PHACTR1: variants seen among roughly 807,000 people sequenced by gnomAD.
PHACTR1 encodes RPEL repeat containing 1.
Under a neutral mutation model 69.2 loss-of-function variants are expected in PHACTR1, and 16 were observed. The observed-to-expected ratio is 0.23, with a 90% CI of 0.16 to 0.35. The LOEUF is 0.35. Among genes scored for constraint, PHACTR1 ranks in the 10% least tolerant of loss-of-function variants. PHACTR1 has a pLI of 1.00. For missense variants in PHACTR1, 510 were observed against 734.7 expected (o/e 0.69, Z 3.54); for synonymous variants, 312 against 284.5 (o/e 1.10, Z -0.97).
intron 4 of PHACTR1, among the ~76,000 whole-genome samples, chr6:13,049,714 A>C (rs1428514284): frequency 6.6e-6 from 1 of 152,192 alleles, no homozygotes; most frequent in Non-Finnish European, 1.5e-5. Context: ...ACTCAGGTTG[A>C]GAGTAATAAG....
rs1260733320 is a variant in PHACTR1, at chr6:13,179,260, A to G, written c.497-3259A>G. 1.3e-5 allele frequency among the ~76,000 whole-genome samples: 2 copies of G among 152,084 alleles called. No homozygotes were observed. Among genetic ancestry groups the G allele is most frequent in the Admixed American group, 6.6e-5 (1 of 15,256 alleles). On this transcript the variant is annotated intron_variant, in intron 6 of 14. Coordinates refer to ENST00000332995, the MANE Select transcript of PHACTR1 (RefSeq NM_030948.6). This position sits in a 1 kb window ranked among gnomAD's most constrained non-coding sequence, Gnocchi z 4.2. ...CAAACAAACAGCAACAACAACAACA[A>G]CAAACCCAGTACTGATATATAAATA...
At chr6:13,262,445 T>C (rs1776044034) in intron 10 of PHACTR1, among the ~76,000 whole-genome samples, 1 of 152,100 alleles carries the variant, frequency 6.6e-6, no homozygotes, top group Non-Finnish European at 1.5e-5. Flanking sequence ...ATCATCAGCA[T>C]ATTGATGCTA....
chr6:12,943,565 A>G (rs536339374), intron 4 of PHACTR1, among the ~76,000 whole-genome samples: 20 of 152,338 alleles, frequency 1.3e-4, no homozygotes, highest in African/African-American at 4.8e-4. Flanking sequence ...TGGACCTGGG[A>G]TAGTATGATC....
intron 10 of PHACTR1, among the ~76,000 whole-genome samples, chr6:13,259,418 T>C (rs1775615674): frequency 6.6e-6 from 1 of 152,212 alleles, no homozygotes; most frequent in African/African-American, 2.4e-5. Flanking sequence ...TTTGGGTTAT[T>C]ATCTCAGTGT....
chr6:12,841,752 G>T (rs762992640), intron 4 of PHACTR1, among the ~76,000 whole-genome samples: 2 of 152,148 alleles, frequency 1.3e-5, no homozygotes, highest in Non-Finnish European at 1.5e-5. Flanking sequence ...GGCCAAGAAT[G>T]TGTACAGTAA....
chr6:12,803,301 G>A (rs1285217716), intron 4 of PHACTR1, among the ~76,000 whole-genome samples: 1 of 152,156 alleles, frequency 6.6e-6, no homozygotes, highest in Admixed American at 6.6e-5. Context: ...ACTGAGATTG[G>A]TGGTCTCTCT....
chr6:12,946,008 T>A (rs1021767625), intron 4 of PHACTR1, among the ~76,000 whole-genome samples: 42 of 149,518 alleles, frequency 2.8e-4, no homozygotes, highest in Middle Eastern at 3.4e-3. Flanking sequence ...AATGCTAAAG[T>A]TCATGAAACC....
intron 4 of PHACTR1, among the ~76,000 whole-genome samples, chr6:12,913,375 G>A (rs939361965): frequency 2.6e-5 from 4 of 152,202 alleles, no homozygotes; most frequent in African/African-American, 9.6e-5. Context: ...CAAATCCAAA[G>A]AGCCATATGA....
rs201209529 is a variant in PHACTR1 at position 13,064,618 on chromosome 6, CTA to C, written c.415+11091_415+11092del. Among the ~76,000 whole-genome samples, 22 of 11,632 alleles carry C rather than the reference CTA, an allele frequency of 1.9e-3. 5 individuals are homozygous for C. Among genetic ancestry groups the C allele is most frequent in the Admixed American group, 4.7e-3 (6 of 1,264 alleles). The allele number at this position is 11,632 out of a possible 152,430, so 7.6% of individuals were successfully genotyped here. On this transcript the variant is annotated intron_variant, in intron 5 of 14. Coordinates refer to ENST00000332995, the MANE Select transcript of PHACTR1 (RefSeq NM_030948.6). ...TATATATATATATCTATATATCTAT[CTA>C]TCCACACTTGCCAGACTATGGAGGA...
At chr6:13,104,103 GA>G (rs1429463014) in intron 5 of PHACTR1, among the ~76,000 whole-genome samples, 1 of 151,946 alleles carries the variant, frequency 6.6e-6, no homozygotes, top group Non-Finnish European at 1.5e-5. Context: ...AAAAAATAAA[GA>G]AAATTTTTTT....
intron 4 of PHACTR1, among the ~76,000 whole-genome samples, chr6:12,993,091 C>T (rs1274016197): frequency 6.6e-6 from 1 of 152,208 alleles, no homozygotes; most frequent in Non-Finnish European, 1.5e-5. Context: ...CCAGCATTCA[C>T]CTGTGTAAGC....
rs1199880341 is a variant in PHACTR1 at position 13,227,989 on chromosome 6, A to G, written c.1160A>G (p.Asp387Gly). The change falls in exon 9 of 15, where the codon GAC becomes GGC. Residue 387 changes from aspartate to glycine, a missense_variant. Asp to Gly is a moderately conservative substitution (Grantham distance 94). Coordinates refer to ENST00000332995, the MANE Select transcript of PHACTR1 (RefSeq NM_030948.6). ...GTGCCTCATGAGTCAGACTACGAAG[A>G]CTCTTCTTGCCTGTATACAAGAGAA... ...ENVPHESDYEDSSCLYTREEE... is the reference protein window; with the variant it reads ...ENVPHESDYEGSSCLYTREEE... 1.2e-6 allele frequency: 2 copies of G among 1,613,752 alleles called. No homozygotes were observed. Among genetic ancestry groups the G allele is most frequent in the East Asian group, 4.5e-5 (2 of 44,888 alleles).
At chr6:12,985,437 C>A (rs1796027185) in intron 4 of PHACTR1, among the ~76,000 whole-genome samples, 1 of 151,054 alleles carries the variant, frequency 6.6e-6, no homozygotes, top group African/African-American at 2.4e-5. Context: ...CGATGAAAAA[C>A]CAAATTCTTT....
At chr6:13,192,262 C>T (rs1437678821) in intron 7 of PHACTR1, among the ~76,000 whole-genome samples, 1 of 152,166 alleles carries the variant, frequency 6.6e-6, no homozygotes, top group Non-Finnish European at 1.5e-5. Flanking sequence ...CAAGAAAAAG[C>T]ATCATTAAGG....
chr6:13,109,842 G>GTA (rs1347560714), intron 5 of PHACTR1, among the ~76,000 whole-genome samples: 1 of 145,708 alleles, frequency 6.9e-6, no homozygotes, highest in Non-Finnish European at 1.5e-5. Context: ...GCGTGTGTGT[G>GTA]TGTGTGTGTG....
chr6:12,768,290 AT>A (rs1187048778), intron 4 of PHACTR1, among the ~76,000 whole-genome samples: 1 of 151,676 alleles, frequency 6.6e-6, no homozygotes, highest in Non-Finnish European at 1.5e-5. Flanking sequence ...AATTTTTTGT[AT>A]TTTTAGTAGA....
chr6:13,216,008 G>A (rs962627012), intron 8 of PHACTR1, among the ~76,000 whole-genome samples: 17 of 152,224 alleles, frequency 1.1e-4, no homozygotes, highest in East Asian at 3.9e-4. Flanking sequence ...AAGTTTATAC[G>A]AATAGTTTAT....
chr6:13,165,362 A>C (rs1759639917), intron 6 of PHACTR1, among the ~76,000 whole-genome samples: 1 of 152,242 alleles, frequency 6.6e-6, no homozygotes, highest in African/African-American at 2.4e-5. Context: ...TAATTTAAAC[A>C]AACTAAACAA....
chr6:13,231,084 G>GGAA (rs753601813), intron 10 of PHACTR1, among the ~76,000 whole-genome samples: 6,229 of 17,558 alleles, frequency 0.35, 1,222 homozygotes, highest in Non-Finnish European at 0.39. Context: ...AGGAAGGAAG[G>GGAA]AAGAAGGAAG....
Sources: gnomAD v4.1 joint callset for allele counts (sites outside exome capture counted in the v4.1 genomes callset) on GRCh38, gnomAD v4.1.1 for gene constraint, Gnocchi (gnomAD v3.1) non-coding constraint, MANE v1.5 for transcripts, NCBI Gene and HGNC (gene_info 2026-07-23, HGNC 2026-07-21) for gene names.